Variants in CLIP2 observed in about 807,000 individuals in gnomAD.
CLIP2 encodes CAP-Gly domain-containing linker protein 2.
Under a neutral mutation model 111.7 loss-of-function variants are expected in CLIP2, and 41 were observed. That is an observed-to-expected ratio of 0.37 (90% CI 0.29 to 0.48). The LOEUF is 0.48. CLIP2 is among the 20% of genes least tolerant of loss of function. CLIP2 has a pLI of 0.99. For synonymous variants in CLIP2, 660 were observed against 644.2 expected (o/e 1.02, Z -0.37); for missense variants, 1,160 against 1,422.1 (o/e 0.82, Z 2.96).
At chr7:74,363,704 T>G (rs489900) in intron 7 of CLIP2, among the ~76,000 whole-genome samples, 67,774 of 151,324 alleles carry the variant, frequency 0.45, 15,431 homozygotes, top group East Asian at 0.73. Context: ...GGCCAACATG[T>G]TAAAACCCTG....
intron 11 of CLIP2, 57 bp from the exon 12 acceptor site, chr7:74,386,464 C>G: frequency 1.4e-6 from 2 of 1,445,538 alleles, no homozygotes; most frequent in Non-Finnish European, 1.9e-6. Flanking sequence ...ATGGCCCTAC[C>G]CACTGCTGCT....
chr7:74,348,079 A>G (rs1789856594), intron 3 of CLIP2, among the ~76,000 whole-genome samples: 1 of 151,866 alleles, frequency 6.6e-6, no homozygotes, highest in African/African-American at 2.4e-5. Flanking sequence ...ACTCGGGAGA[A>G]TGAGGCCGTA....
intron 3 of CLIP2, among the ~76,000 whole-genome samples, chr7:74,341,029 G>A: frequency 6.6e-6 from 1 of 152,088 alleles, no homozygotes. Context: ...GGAGGTTTCT[G>A]GGAGGAGCCT....
intron 1 of CLIP2, among the ~76,000 whole-genome samples, chr7:74,309,159 A>G (rs1286462910): frequency 6.6e-6 from 1 of 151,788 alleles, no homozygotes; most frequent in African/African-American, 2.4e-5. Context: ...ATAAGCCACT[A>G]TGCCCGGCCT....
chr7:74,367,264 C>A (rs1790490026), intron 8 of CLIP2, among the ~76,000 whole-genome samples: 1 of 151,942 alleles, frequency 6.6e-6, no homozygotes, highest in Non-Finnish European at 1.5e-5. Flanking sequence ...AATCTCTGCT[C>A]ACTGCAAGCT....
At chr7:74,326,105 C>T (rs925944747) in intron 2 of CLIP2, among the ~76,000 whole-genome samples, 6 of 150,898 alleles carry the variant, frequency 4.0e-5, no homozygotes, top group East Asian at 4.0e-4. Context: ...CCGGGCGCGA[C>T]GGCACATGCC....
chr7:74,370,726 C>T (rs1335609848), intron 8 of CLIP2, among the ~76,000 whole-genome samples: 20 of 151,888 alleles, frequency 1.3e-4, no homozygotes, highest in Non-Finnish European at 1.3e-4. Flanking sequence ...CTTTTGTACA[C>T]GCTAGTTCCC....
intron 1 of CLIP2, among the ~76,000 whole-genome samples, chr7:74,297,404 G>A (rs972153132): frequency 1.3e-5 from 2 of 152,110 alleles, no homozygotes; most frequent in African/African-American, 4.8e-5. Context: ...TTGAGCCTGG[G>A]AAGTTGAGGT....
intron 10 of CLIP2, among the ~76,000 whole-genome samples, chr7:74,378,071 C>T (rs1371605874): frequency 6.6e-6 from 1 of 151,974 alleles, no homozygotes; most frequent in Non-Finnish European, 1.5e-5. Context: ...GGTGATCTGC[C>T]CGCCTCGGCC....
chr7:74,346,591 C>T (rs540616082), intron 3 of CLIP2, among the ~76,000 whole-genome samples: 49 of 152,046 alleles, frequency 3.2e-4, no homozygotes, highest in African/African-American at 1.1e-3. Flanking sequence ...GGTGTGGTGG[C>T]GCACGCCTGT....
At chr7:74,307,805 A>G (rs2116477896) in intron 1 of CLIP2, among the ~76,000 whole-genome samples, 1 of 152,210 alleles carries the variant, frequency 6.6e-6, no homozygotes. Context: ...TAGGTTCTTC[A>G]TACTGGAGGC....
At chr7:74,354,035 A>AG (rs782069691) in intron 4 of CLIP2, 31 bp downstream of exon 4, 51 of 1,589,914 alleles carry the variant, frequency 3.2e-5, no homozygotes, top group Non-Finnish European at 4.1e-5. Flanking sequence ...GGAGTATGGG[A>AG]GGGGGCTCCT....
chr7:74,395,464 G>C (rs1288009411), intron 13 of CLIP2, among the ~76,000 whole-genome samples: 4 of 151,676 alleles, frequency 2.6e-5, no homozygotes, highest in African/African-American at 9.7e-5. Flanking sequence ...GCTAATTTTT[G>C]TATTTTGAGT....
At chr7:74,333,576 G>A (rs1316801226) in intron 2 of CLIP2, among the ~76,000 whole-genome samples, 1 of 152,092 alleles carries the variant, frequency 6.6e-6, no homozygotes, top group African/African-American at 2.4e-5. Context: ...CCACTCCCTG[G>A]GCTCAAGCAA....
Position 74,389,093 on chromosome 7 carries a change from C to T in CLIP2, c.2564-10C>T. ...ATCCTCTTCCTCCCTTCCCTGCCGGCTGACCCCAGCGCTGGAGAGCAAGTG... is the reference window on the plus strand; with the variant it reads ...ATCCTCTTCCTCCCTTCCCTGCCGGTTGACCCCAGCGCTGGAGAGCAAGTG... On this transcript the variant is annotated splice_polypyrimidine_tract_variant and intron_variant, in intron 12 of 16. Transcript: ENST00000223398. The T allele has an allele frequency of 6.3e-7, 1 of 1,598,804 alleles. No homozygotes were observed. The highest frequency in any genetic ancestry group is 1.3e-5 in the African/African-American group (1 of 74,486).
rs1333011923 is a variant in CLIP2 at position 74,382,530 on chromosome 7, T to A, written c.2479+1667T>A. ...AGTTTCACTATGTTGGCCAGGCTGG[T>A]CTCAAACTCCTGACCTCATGATCCT... On this transcript the variant is annotated intron_variant, in intron 11 of 16. Transcript: ENST00000223398. Among the ~76,000 whole-genome samples the A allele has an allele frequency of 2.0e-5, 3 of 149,404 alleles. No homozygotes were observed. In the Admixed American group the frequency reaches 2.0e-4, roughly 10 times the overall value.
intron 2 of CLIP2, among the ~76,000 whole-genome samples, chr7:74,332,988 G>T (rs1415926084): frequency 1.3e-5 from 2 of 152,208 alleles, no homozygotes; most frequent in African/African-American, 4.8e-5. Context: ...CTCGCAGGCG[G>T]AGGGGAGAAT....
Position 74,397,226 on chromosome 7 carries a change from C to G in CLIP2, c.2873C>G (p.Thr958Ser), listed in dbSNP as rs1791479444. The G allele has an allele frequency of 6.2e-7, 1 of 1,613,564 alleles. No homozygotes were observed. Among genetic ancestry groups the G allele is most frequent in the African/African-American group, 1.3e-5 (1 of 74,928 alleles). ...ATCCGGGGCCTGCGTGAAAAGCTGA[C>G]CGGGCTGGTATGTGGGGTAGGGGTG... ...DDIRGLREKL[T>S]GLDKEKSLSD... is the part of the protein sequence containing the mutation. The change falls in exon 14 of 17, where the codon ACC becomes AGC. Residue 958 changes from threonine (T) to serine (S), a missense_variant. Thr to Ser is a moderately conservative substitution (Grantham distance 58, BLOSUM62 1). This residue lies in a region of CLIP2 where 676 missense variants were observed against 777.8 expected (regional missense o/e 0.87). Coordinates refer to ENST00000223398, the MANE Select transcript of CLIP2 (RefSeq NM_003388.5).
At chr7:74,292,816 C>T (rs1201576699) in intron 1 of CLIP2, among the ~76,000 whole-genome samples, 1 of 152,212 alleles carries the variant, frequency 6.6e-6, no homozygotes, top group East Asian at 1.9e-4. Context: ...TTGCTAAGCA[C>T]CTACTGTATG....
Sources: gnomAD v4.1 joint callset for allele counts (sites outside exome capture counted in the v4.1 genomes callset) on GRCh38, gnomAD v4.1.1 for gene constraint, gnomAD v4.1.1 regional missense constraint, MANE v1.5 for transcripts, NCBI Gene and HGNC (gene_info 2026-07-23, HGNC 2026-07-21) for gene names.